Variants in CARHSP1 observed in about 807,000 individuals in gnomAD.
CARHSP1 encodes calcium regulated heat stable protein 1.
A neutral mutation model predicts 12.5 loss-of-function variants in CARHSP1; 14 were observed. That is an observed-to-expected ratio of 1.12 (90% CI 0.74 to 1.75). CARHSP1 has a LOEUF of 1.75. Among genes scored for constraint, CARHSP1 ranks in the 40% most tolerant of loss-of-function variants. The pLI is 0.00. For synonymous variants in CARHSP1, 161 were observed against 82.0 expected (o/e 1.96, Z -5.20); for missense variants, 343 against 201.6 (o/e 1.70, Z -4.25).
At chr16:8,863,828 G>A (rs548743639) in intron 1 of CARHSP1, among the ~76,000 whole-genome samples, 12 of 152,302 alleles carry the variant, frequency 7.9e-5, no homozygotes, top group Admixed American at 5.9e-4. Context: ...CCTCTGCTGT[G>A]TCCCCTCCAC....
rs1567175442 is a variant in CARHSP1 at position 8,853,230 on chromosome 16, A to G, written c.*1934T>C. 1 of 152,012 alleles carries G rather than the reference A, an allele frequency of 6.6e-6. No homozygotes were observed. The highest frequency in any genetic ancestry group is 2.4e-5 in the African/African-American group (1 of 41,412). The allele number at this position is 152,012 out of a possible 1,614,324, so 9.4% of individuals were successfully genotyped here. The stretch of plus-strand genomic sequence containing the variant: ...CAAGACAGAATCCCAGGGTCACAGG[A>G]GAGAGGCTTGGGGCAGTGAAAGCCC... On this transcript the variant is annotated 3_prime_UTR_variant, in exon 4 of 4. Coordinates refer to ENST00000311052, the MANE Select transcript of CARHSP1 (RefSeq NM_014316.4).
In CARHSP1 at chr16:8,858,374, G is replaced by C; in HGVS notation, c.257C>G (p.Pro86Arg). The change falls in exon 3 of 4, where the codon CCC becomes CGC. Residue 86 changes from proline (P) to arginine (R), a missense_variant. Coordinates refer to ENST00000311052, the MANE Select transcript of CARHSP1 (RefSeq NM_014316.4). ...CTCAGAGATGTGCAGGAAGATGTCG[G>C]GGCCGCCATCAGCTGGAGTAATGAA... ...HGFITPADGGPDIFLHISDVE... is the reference protein window; with the variant it reads ...HGFITPADGGRDIFLHISDVE... 5 of 1,613,924 alleles carry C rather than the reference G, an allele frequency of 3.1e-6. No individual in the cohort carries two copies. The highest frequency in any genetic ancestry group is 3.4e-6 in the Non-Finnish European group (4 of 1,180,012).
At chr16:8,858,121 G>T (rs547619760) in intron 3 of CARHSP1, 2 of 567,272 alleles carry the variant, frequency 3.5e-6, no homozygotes, top group Non-Finnish European at 6.3e-6. Flanking sequence ...CACAAGTACC[G>T]TGTCGCCCCC....
chr16:8,859,250 G>T lies in CARHSP1; in HGVS notation c.79C>A (p.Arg27Ser). ...SVGLLDTPRSRERSPSPLRGN... is the reference protein window; with the variant it reads ...SVGLLDTPRSSERSPSPLRGN... ...CGCAGAGGGGATGGTGAGCGCTCAC[G>T]GCTCCGAGGGGTGTCCAGCAGCCCG... The change falls in exon 2 of 4, where the codon CGT becomes AGT. Residue 27 changes from arginine to serine, a missense_variant. By Grantham distance (110) the Arg-to-Ser change is moderately radical (BLOSUM62 -1). Coordinates refer to ENST00000311052, the MANE Select transcript of CARHSP1 (RefSeq NM_014316.4). 3 of 1,600,734 alleles carry T rather than the reference G, an allele frequency of 1.9e-6. No homozygotes were observed. Among genetic ancestry groups the T allele is most frequent in the Non-Finnish European group, 2.6e-6 (3 of 1,176,350 alleles).
rs746076912 is a variant in CARHSP1 at position 8,859,151 on chromosome 16, C to A, written c.158+20G>T. The A allele has an allele frequency of 1.9e-6, 3 of 1,574,152 alleles. No individual in the cohort carries two copies. In the South Asian group the frequency reaches 3.4e-5, roughly 18 times the overall value. ...AAGAGATCCATCTGAGAACGCGTCC[C>A]CAGCCTGCTCCAGACTCACGCCGAG... On this transcript the variant is annotated intron_variant, in intron 2 of 3. Transcript: ENST00000311052.
intron 3 of CARHSP1, among the ~76,000 whole-genome samples, chr16:8,855,550 T>A (rs2061073395): frequency 6.6e-6 from 1 of 152,154 alleles, no homozygotes; most frequent in Non-Finnish European, 1.5e-5. Flanking sequence ...GCTCCTTCCC[T>A]GGGACTTTTG....
At position 8,854,457 on chromosome 16, in the gene CARHSP1, AAG is replaced by A. The variant is rs1223884220; in HGVS notation, c.*705_*706del. 1 of 152,648 alleles carries A rather than the reference AAG, an allele frequency of 6.6e-6. No homozygotes were observed. The highest frequency in any genetic ancestry group is 1.5e-5 in the Non-Finnish European group (1 of 68,074). The allele number at this position is 152,648 out of a possible 1,614,324, so 9.5% of individuals were successfully genotyped here. A position where few individuals can be genotyped will look rare whatever the true frequency, so the allele number is the denominator to read the frequency against. ...AAGGCAGATGAAAAGGTCAGGCTCT[AAG>A]AGGGGTTCAGCCTCCCAGTACCAGC... On this transcript the variant is annotated 3_prime_UTR_variant, in exon 4 of 4. Coordinates refer to ENST00000311052, the MANE Select transcript of CARHSP1 (RefSeq NM_014316.4).
At chr16:8,867,867 G>A (rs2061476130) in intron 1 of CARHSP1, 1 of 152,414 alleles carries the variant, frequency 6.6e-6, no homozygotes, top group Admixed American at 6.5e-5. Context: ...CTGCTGAGAA[G>A]TTGGGGACTT....
intron 1 of CARHSP1, chr16:8,861,904 G>C: frequency 3.7e-6 from 3 of 817,352 alleles, no homozygotes; most frequent in South Asian, 1.9e-5. Flanking sequence ...CAGTGGCCTC[G>C]CAACTCCACA....
chr16:8,863,072 G>A (rs893364775), intron 1 of CARHSP1, among the ~76,000 whole-genome samples: 5 of 149,716 alleles, frequency 3.3e-5, no homozygotes, highest in Admixed American at 3.3e-4. Flanking sequence ...CTGGCACAGA[G>A]CAGGGTCTCC....
chr16:8,866,936 CCT>C (rs796149905), intron 1 of CARHSP1, among the ~76,000 whole-genome samples: 14 of 152,274 alleles, frequency 9.2e-5, no homozygotes, highest in African/African-American at 3.4e-4. Flanking sequence ...CTCAGGAGCC[CCT>C]GAGTGCTGGG....
intron 2 of CARHSP1, chr16:8,858,938 A>T (rs2061248010): frequency 2.1e-6 from 1 of 468,072 alleles, no homozygotes; most frequent in Admixed American, 3.6e-5. Context: ...TGACCCCAGC[A>T]ACTGCCCACC....
rs754930083 is a variant in CARHSP1, at chr16:8,858,351, C to G, written c.280G>C (p.Asp94His). Residue 94 changes from aspartate to histidine, a missense_variant and splice_region_variant, in exon 3 of 4, where the codon GAT (aspartate) becomes CAT (histidine). By Grantham distance (81) the Asp-to-His change is moderately conservative. Coordinates refer to ENST00000311052, the MANE Select transcript of CARHSP1 (RefSeq NM_014316.4). ...CACCCAGACCTGCCGCTGACTCACT[C>G]AGAGATGTGCAGGAAGATGTCGGGG... is the stretch of plus-strand genomic sequence containing the variant. ...GGPDIFLHIS[D>H]VEGEYVPVEG... is the part of the protein sequence containing the mutation. 1.9e-6 allele frequency: 3 copies of G among 1,613,602 alleles called. No individual in the cohort carries two copies. Among genetic ancestry groups the G allele is most frequent in the East Asian group, 2.2e-5 (1 of 44,890 alleles).
rs1012199785 is a variant in CARHSP1, at chr16:8,866,563, T to C, written c.-8+2403A>G. 6 of 586,588 alleles carry C rather than the reference T, an allele frequency of 1.0e-5. No individual in the cohort carries two copies. The East Asian group carries it at 5.7e-4, about 56-fold the overall frequency. 36.3% of individuals were successfully genotyped at this position (586,588 alleles called of 1,614,324 possible). A position where few individuals can be genotyped will look rare whatever the true frequency, so the allele number is the denominator to read the frequency against. On this transcript the variant is annotated intron_variant, in intron 1 of 3. Transcript: ENST00000311052. Reference sequence around the variant, plus strand: ...GCGGGGCGGGTCAGCTGAGCCCAGATAGAAGGGTCCCTGGAAGCGATAGAG... The same window carrying C: ...GCGGGGCGGGTCAGCTGAGCCCAGACAGAAGGGTCCCTGGAAGCGATAGAG...
chr16:8,855,426 G>C, intron 3 of CARHSP1, 100 bp from the exon 4 acceptor site: 1 of 1,129,502 alleles, frequency 8.9e-7, no homozygotes, highest in East Asian at 2.8e-5. Context: ...ACCAAAGCAG[G>C]CACCATCTGA....
At chr16:8,856,242 A>T (rs926163517) in intron 3 of CARHSP1, among the ~76,000 whole-genome samples, 2 of 152,196 alleles carry the variant, frequency 1.3e-5, no homozygotes, top group Non-Finnish European at 2.9e-5. Context: ...TGAGACTGGC[A>T]TCTTGATGTC....
chr16:8,857,507 G>C (rs1298561762), intron 3 of CARHSP1: 1 of 145,480 alleles, frequency 6.9e-6, no homozygotes, highest in Non-Finnish European at 1.5e-5. Flanking sequence ...CACCAGGCTG[G>C]TCTTGAAGTC....
At chr16:8,861,626 C>T (rs1396031411) in intron 1 of CARHSP1, 2 of 1,289,008 alleles carry the variant, frequency 1.6e-6, no homozygotes, top group African/African-American at 1.5e-5. Flanking sequence ...GGCTGGGAAG[C>T]TGGTGGCTGG....
chr16:8,868,842 G>A (rs906529437), intron 1 of CARHSP1, 124 bp downstream of exon 1: 1 of 151,926 alleles, frequency 6.6e-6, no homozygotes, highest in African/African-American at 2.4e-5. Flanking sequence ...CTCCTCTGCC[G>A]AGCTAGAAGA....
Sources: allele counts gnomAD v4.1 joint callset (sites outside exome capture counted in the v4.1 genomes callset), GRCh38; gene constraint gnomAD v4.1.1; transcripts MANE v1.5; gene names NCBI Gene and HGNC (gene_info 2026-07-23, HGNC 2026-07-21).